Variants in DDAH1 observed in about 807,000 individuals in gnomAD.
The protein encoded by DDAH1 is N(G),N(G)-dimethylarginine dimethylaminohydrolase 1.
In DDAH1, 19 loss-of-function variants were observed where a neutral mutation model predicts 28.8. The observed-to-expected ratio is 0.66, with a 90% CI of 0.46 to 0.97. DDAH1 has a LOEUF of 0.97. Ranked by LOEUF, DDAH1 falls within the 50% of genes least tolerant of loss-of-function variation. The pLI is 0.00. For synonymous variants in DDAH1, 153 were observed against 154.4 expected, an observed-to-expected ratio of 0.99 and a Z score of 0.07; for missense variants, 326 against 375.9, an observed-to-expected ratio of 0.87 and a Z score of 1.10.
chr1:85,437,266 C>T (rs186415320), intron 1 of DDAH1, among the ~76,000 whole-genome samples: 4 of 152,290 alleles, frequency 2.6e-5, no homozygotes, highest in Admixed American at 6.5e-5. Context: ...TGGAGCCTCA[C>T]TGTGCCAGCC....
intron 1 of DDAH1, among the ~76,000 whole-genome samples, chr1:85,425,621 C>G (rs1653359594): frequency 6.6e-6 from 1 of 152,140 alleles, no homozygotes; most frequent in African/African-American, 2.4e-5. Context: ...GTAAATGTTT[C>G]TTTGCAAGAA....
intron 2 of DDAH1, among the ~76,000 whole-genome samples, chr1:85,354,655 A>G (rs753337147): frequency 2.6e-5 from 4 of 152,168 alleles, no homozygotes; most frequent in Admixed American, 6.5e-5. Flanking sequence ...ATAATAACCA[A>G]TAAGTTTTTT....
At chr1:85,333,172 T>C (rs233057) in intron 4 of DDAH1, among the ~76,000 whole-genome samples, 52,789 of 151,854 alleles carry the variant, frequency 0.35, 9,255 homozygotes, top group South Asian at 0.4. Context: ...GCATAATCTC[T>C]ACTAACAACG....
chr1:85,426,928 A>AAG (rs1553133533), intron 1 of DDAH1, among the ~76,000 whole-genome samples: 5 of 147,058 alleles, frequency 3.4e-5, no homozygotes, highest in Non-Finnish European at 6.1e-5. Flanking sequence ...AAACAAAAAA[A>AAG]AAAAAAAAAA....
rs1428900104 is a variant in DDAH1, at chr1:85,500,140, TTCTTTCTTTTCTTTCTTTCTTTC to T, written c.-122-3882_-122-3860del. 1.5e-4 allele frequency among the ~76,000 whole-genome samples: 15 copies of T among 100,784 alleles called. No homozygotes were observed. In the East Asian group the frequency reaches 2.4e-3, roughly 16 times the overall value. The allele number at this position is 100,784 out of a possible 152,430, so 66.1% of individuals were successfully genotyped here. On this transcript the variant is annotated intron_variant, in intron 1 of 6. Transcript: ENST00000426972. ...TTTCTTTCTTTCTTTCTTTCTTTCT[TTCTTTCTTTTCTTTCTTTCTTTC>T]TCTTTTTTCCTTCCTTCCTTCATCT... is the stretch of plus-strand genomic sequence containing the variant.
chr1:85,465,288 G>T (rs12735238), upstream of DDAH1: 1 of 980,442 alleles, frequency 1.0e-6, no homozygotes, highest in Non-Finnish European at 1.2e-6. Context: ...CGCCAGCCCA[G>T]GCGGGAGTTG....
rs369566443 is a variant in DDAH1 at position 85,520,256 on chromosome 1, C to T, written c.-122-23975G>A. On this transcript the variant is annotated intron_variant, in intron 1 of 6. Transcript: ENST00000426972. ...TAATTCTGCTGTGTTACATCCTGTACTTTTCTGTGCATATAAAATATTTTG... is the reference window on the plus strand; with the variant it reads ...TAATTCTGCTGTGTTACATCCTGTATTTTTCTGTGCATATAAAATATTTTG... Among the ~76,000 whole-genome samples the T allele has an allele frequency of 4.7e-3, 722 of 152,232 alleles. 5 individuals carry two copies. The highest frequency in any genetic ancestry group is 0.017 in the African/African-American group (690 of 41,512).
chr1:85,538,570 G>C (rs1570656142), intron 1 of DDAH1, among the ~76,000 whole-genome samples: 1 of 152,112 alleles, frequency 6.6e-6, no homozygotes. Flanking sequence ...TTACCCTAAG[G>C]GGCTTCCTCA....
chr1:85,456,671 T>C (rs1654894530), intron 1 of DDAH1, among the ~76,000 whole-genome samples: 1 of 152,248 alleles, frequency 6.6e-6, no homozygotes, highest in African/African-American at 2.4e-5. Context: ...TTTCAATTTA[T>C]GATATTGCCA....
intron 1 of DDAH1, among the ~76,000 whole-genome samples, chr1:85,442,638 C>T (rs1276427950): frequency 2.0e-5 from 3 of 152,074 alleles, no homozygotes; most frequent in Admixed American, 1.3e-4. Context: ...AGTTTATAGT[C>T]CCACCAACAG....
intron 2 of DDAH1, among the ~76,000 whole-genome samples, chr1:85,356,371 G>A (rs1486296103): frequency 6.6e-6 from 1 of 152,114 alleles, no homozygotes; most frequent in Non-Finnish European, 1.5e-5. Flanking sequence ...TTATTAATGA[G>A]GCTTTGAATT....
chr1:85,548,592 T>C (rs966037127), intron 1 of DDAH1, among the ~76,000 whole-genome samples: 18 of 152,198 alleles, frequency 1.2e-4, no homozygotes, highest in African/African-American at 4.1e-4. Context: ...TTCAGAATAA[T>C]TCACTTTGAC....
intron 2 of DDAH1, among the ~76,000 whole-genome samples, chr1:85,472,866 C>T (rs771275380): frequency 6.6e-6 from 1 of 152,130 alleles, no homozygotes; most frequent in Non-Finnish European, 1.5e-5. Context: ...GCCCTTCCCA[C>T]CTCCCCTCCT....
Position 85,464,756 on chromosome 1 carries a change from C to A in DDAH1, c.290G>T (p.Ser97Ile). ...GTCGGCAGTTACCTCCTTCCTCCGGCTCGGCGCCCCGGGTCGGGTGATGAG... is the reference window on the plus strand; with the variant it reads ...GTCGGCAGTTACCTCCTTCCTCCGGATCGGCGCCCCGGGTCGGGTGATGAG... ...TALITRPGAP[S>I]RRKEVDMMKE... Residue 97 changes from serine (S) to isoleucine (I), a missense_variant, in exon 1 of 6, where the codon AGC becomes ATC. Coordinates refer to ENST00000284031, the MANE Select transcript of DDAH1 (RefSeq NM_012137.4). This position sits in a 1 kb window ranked among gnomAD's most constrained non-coding sequence, Gnocchi z 4.4. 1 of 1,550,300 alleles carries A rather than the reference C, an allele frequency of 6.5e-7. No individual in the cohort carries two copies.
chr1:85,465,167 A>G, upstream of DDAH1: 2 of 1,148,082 alleles, frequency 1.7e-6, no homozygotes, highest in African/African-American at 1.6e-5. Flanking sequence ...TGTGGTGCAG[A>G]AGGAGCCCAG....
chr1:85,519,661 T>C (rs1657604945), intron 1 of DDAH1, among the ~76,000 whole-genome samples: 1 of 152,130 alleles, frequency 6.6e-6, no homozygotes, highest in Non-Finnish European at 1.5e-5. Context: ...CTTAAACTTA[T>C]CAATAATCAC....
At chr1:85,457,365 G>A (rs955845499) in intron 1 of DDAH1, among the ~76,000 whole-genome samples, 2 of 152,026 alleles carry the variant, frequency 1.3e-5, no homozygotes, top group African/African-American at 2.4e-5. Flanking sequence ...ACATCTTCTT[G>A]AGCTTCCATG....
At chr1:85,486,791 G>A (rs1656220875) in intron 2 of DDAH1, among the ~76,000 whole-genome samples, 1 of 152,176 alleles carries the variant, frequency 6.6e-6, no homozygotes, top group Non-Finnish European at 1.5e-5. Flanking sequence ...AATGAAAATG[G>A]CATTTAAAAA....
intron 4 of DDAH1, among the ~76,000 whole-genome samples, chr1:85,325,362 C>CGT (rs981478268): frequency 7.9e-5 from 12 of 152,092 alleles, no homozygotes; most frequent in South Asian, 2.1e-4. Context: ...CGTGCGCGCG[C>CGT]GCGCGCACAC....
Sources: allele counts gnomAD v4.1 joint callset (sites outside exome capture counted in the v4.1 genomes callset), GRCh38; gene constraint gnomAD v4.1.1; non-coding constraint Gnocchi (gnomAD v3.1); transcripts MANE v1.5; gene names NCBI Gene and HGNC (gene_info 2026-07-23, HGNC 2026-07-21).